The following PTBP3 variants were observed in gnomAD, a reference collection of about 807,000 sequenced individuals.
The protein encoded by PTBP3 is polypyrimidine tract binding protein 3, also known as polypyrimidine tract-binding protein 3.
Under a neutral mutation model 58.7 loss-of-function variants are expected in PTBP3, and 20 were observed. The ratio of observed to expected loss-of-function variants is 0.34; its 90% CI spans 0.24 to 0.50. The LOEUF is 0.50. Ranked by LOEUF, PTBP3 falls within the 20% of genes least tolerant of loss-of-function variation. The probability of loss-of-function intolerance (pLI) is 0.98; values close to 1 mark genes in which losing one functional copy is unlikely to be tolerated. For missense variants in PTBP3, 509 were observed against 637.2 expected, an observed-to-expected ratio of 0.80 and a Z score of 2.17; for synonymous variants, 185 against 219.8, an observed-to-expected ratio of 0.84 and a Z score of 1.40.
At chr9:112,331,589 A>G (rs182645259) in intron 1 of PTBP3, among the ~76,000 whole-genome samples, 1 of 152,352 alleles carries the variant, frequency 6.6e-6, no homozygotes, top group East Asian at 1.9e-4. Context: ...TTTAAATGTG[A>G]TAAGTAACTG....
At chr9:112,245,546 C>T (rs191025917) in intron 7 of PTBP3, among the ~76,000 whole-genome samples, 1 of 152,226 alleles carries the variant, frequency 6.6e-6, no homozygotes, top group African/African-American at 2.4e-5. Flanking sequence ...ATGAAGCAAA[C>T]ATAGACACAT....
intron 12 of PTBP3, among the ~76,000 whole-genome samples, chr9:112,225,360 T>C (rs1299465660): frequency 6.6e-6 from 1 of 152,086 alleles, no homozygotes; most frequent in Non-Finnish European, 1.5e-5. Context: ...TTATGGATAA[T>C]AATGCCAACA....
At chr9:112,232,774 A>G (rs1180680084) in intron 8 of PTBP3, among the ~76,000 whole-genome samples, 5 of 152,176 alleles carry the variant, frequency 3.3e-5, no homozygotes, top group East Asian at 1.9e-4. Flanking sequence ...ACAGAATTCA[A>G]TATTCTTTTG....
At chr9:112,242,557 G>C (rs1434291157) in intron 7 of PTBP3, 2 of 152,238 alleles carry the variant, frequency 1.3e-5, no homozygotes, top group Admixed American at 6.5e-5. Flanking sequence ...TTAAGAGACA[G>C]GGTCTTGCTA....
At chr9:112,277,780 G>C (rs1325333638) in intron 2 of PTBP3, among the ~76,000 whole-genome samples, 1 of 151,930 alleles carries the variant, frequency 6.6e-6, no homozygotes, top group African/African-American at 2.4e-5. Context: ...GGAGGCTGAG[G>C]CAAGAGAGTC....
chr9:112,353,958 TAA>T, the PTBP3 span, among the ~76,000 whole-genome samples: 5 of 152,024 alleles, frequency 3.3e-5, no homozygotes, highest in East Asian at 1.9e-4. Context: ...ACTCTGTCAT[TAA>T]AAAAAAAATA....
intron 2 of PTBP3, chr9:112,281,460 A>C (rs1020616834): frequency 1.3e-5 from 2 of 152,210 alleles, no homozygotes; most frequent in African/African-American, 4.8e-5. Flanking sequence ...CCACAAGCAA[A>C]AACCCCTGAT....
chr9:112,233,236 T>C (rs961529754), intron 8 of PTBP3, among the ~76,000 whole-genome samples: 1 of 151,642 alleles, frequency 6.6e-6, no homozygotes, highest in African/African-American at 2.4e-5. Flanking sequence ...ATGTCTGTTA[T>C]TCATGAGCTA....
chr9:112,262,813 A>C (rs1014199613), intron 4 of PTBP3, among the ~76,000 whole-genome samples: 1 of 152,232 alleles, frequency 6.6e-6, no homozygotes. Flanking sequence ...AAAGGTGCTT[A>C]AATTTACTTG....
At chr9:112,268,220 G>A in intron 3 of PTBP3, 25 bp from the exon 4 acceptor site, 1 of 1,589,892 alleles carries the variant, frequency 6.3e-7, no homozygotes, top group African/African-American at 1.4e-5. Context: ...AGAAGGTAAA[G>A]TTAAAGCTCA....
At chr9:112,235,673 T>C (rs1279313592) in intron 7 of PTBP3, among the ~76,000 whole-genome samples, 2 of 152,160 alleles carry the variant, frequency 1.3e-5, no homozygotes, top group African/African-American at 2.4e-5. Context: ...ACTCAGATTA[T>C]TGTAAGTAAA....
At chr9:112,277,565 T>C (rs7875779) in intron 2 of PTBP3, among the ~76,000 whole-genome samples, 127,475 of 151,656 alleles carry the variant, frequency 0.84, 53,863 homozygotes, top group African/African-American at 0.92. Context: ...TTAACTAAAA[T>C]AGTGTATCAG....
chr9:112,275,642 T>G (rs899019523), intron 3 of PTBP3, among the ~76,000 whole-genome samples: 1 of 152,118 alleles, frequency 6.6e-6, no homozygotes, highest in East Asian at 1.9e-4. Context: ...CATAAGTCAA[T>G]GGATAAGAGA....
At chr9:112,295,098 G>A (rs999588237) in intron 2 of PTBP3, among the ~76,000 whole-genome samples, 3 of 152,008 alleles carry the variant, frequency 2.0e-5, no homozygotes, top group Non-Finnish European at 2.9e-5. Context: ...AAATTAGCCC[G>A]GCACGGTGGC....
intron 2 of PTBP3, among the ~76,000 whole-genome samples, chr9:112,290,707 T>TACACACACAAACACACAC (rs55862558): frequency 1.8e-5 from 2 of 110,956 alleles, no homozygotes; most frequent in Non-Finnish European, 3.4e-5. Context: ...TATATATATA[T>TACACACACAAACACACAC]ACACACACAC....
intron 2 of PTBP3, among the ~76,000 whole-genome samples, chr9:112,280,768 T>C (rs1827824420): frequency 2.0e-4 from 1 of 4,896 alleles, no homozygotes; most frequent in Non-Finnish European, 3.0e-4. Flanking sequence ...TGTGTGTGTA[T>C]GTGTGTGTGT....
At chr9:112,362,053 T>C in the PTBP3 span, among the ~76,000 whole-genome samples, 9 of 152,202 alleles carry the variant, frequency 5.9e-5, no homozygotes, top group African/African-American at 1.9e-4. Flanking sequence ...AATTATCTAT[T>C]TGGGGACAGG....
intron 1 of PTBP3, among the ~76,000 whole-genome samples, chr9:112,316,402 T>C (rs1829703582): frequency 6.6e-6 from 1 of 152,128 alleles, no homozygotes; most frequent in Non-Finnish European, 1.5e-5. Flanking sequence ...TGGCAAGAAA[T>C]TGAGTGTGGC....
intron 10 of PTBP3, among the ~76,000 whole-genome samples, chr9:112,230,210 C>T (rs185658803): frequency 6.6e-6 from 1 of 151,884 alleles, no homozygotes; most frequent in East Asian, 1.9e-4. Flanking sequence ...CTTATAATCC[C>T]AGCTACTTGG....
Sources: allele counts gnomAD v4.1 joint callset (sites outside exome capture counted in the v4.1 genomes callset), GRCh38; gene constraint gnomAD v4.1.1; transcripts MANE v1.5; gene names NCBI Gene and HGNC (gene_info 2026-07-23, HGNC 2026-07-21).